PPP2R2C: variants seen among roughly 807,000 people sequenced by gnomAD.
PPP2R2C encodes protein phosphatase 2, regulatory subunit B, gamma.
In PPP2R2C, 10 loss-of-function variants were observed where a neutral mutation model predicts 45.3. The observed-to-expected ratio is 0.22, with a 90% confidence interval of 0.14 to 0.37. PPP2R2C has a LOEUF of 0.37. Among genes scored for constraint, PPP2R2C ranks in the 10% least tolerant of loss-of-function variants. PPP2R2C has a pLI of 1.00. For missense variants in PPP2R2C, 308 were observed against 619.7 expected (o/e 0.50, Z 5.34); for synonymous variants, 257 against 245.4 (o/e 1.05, Z -0.44).
chr4:6,370,361 C>T (rs565252846), intron 5 of PPP2R2C, among the ~76,000 whole-genome samples: 3 of 152,214 alleles, frequency 2.0e-5, no homozygotes, highest in African/African-American at 2.4e-5. Context: ...CTGTACGGTA[C>T]GGTCCAGGCC....
chr4:6,362,838 C>G (rs948194909), intron 5 of PPP2R2C, among the ~76,000 whole-genome samples: 1 of 152,054 alleles, frequency 6.6e-6, no homozygotes, highest in Non-Finnish European at 1.5e-5. Flanking sequence ...TGCATCCAGA[C>G]AGCTTAAATC....
intron 1 of PPP2R2C, among the ~76,000 whole-genome samples, chr4:6,548,421 G>A (rs1339034831): frequency 6.6e-6 from 1 of 152,188 alleles, no homozygotes; most frequent in Non-Finnish European, 1.5e-5. Context: ...ACAGACACAA[G>A]GGCTGATGAG....
At chr4:6,470,301 T>G (rs529883858) in intron 1 of PPP2R2C, among the ~76,000 whole-genome samples, 1 of 152,158 alleles carries the variant, frequency 6.6e-6, no homozygotes, top group Non-Finnish European at 1.5e-5. Context: ...ATATCTCGTG[T>G]CTGGATGAAG....
intron 1 of PPP2R2C, among the ~76,000 whole-genome samples, chr4:6,557,888 G>A (rs1243545427): frequency 6.6e-6 from 1 of 152,122 alleles, no homozygotes. Flanking sequence ...GGAGTGAGGT[G>A]CATCCCACAG....
intron 2 of PPP2R2C, among the ~76,000 whole-genome samples, chr4:6,494,845 A>C (rs926198164): frequency 6.6e-6 from 1 of 152,184 alleles, no homozygotes; most frequent in Non-Finnish European, 1.5e-5. Flanking sequence ...GGGTGGAAGC[A>C]AGGGGAAACC....
At chr4:6,480,270 G>T (rs1022115966) in intron 2 of PPP2R2C, among the ~76,000 whole-genome samples, 12 of 152,094 alleles carry the variant, frequency 7.9e-5, no homozygotes, top group African/African-American at 2.9e-4. Context: ...TAAGCATTAT[G>T]TTTTCAGCTC....
At chr4:6,531,276 G>A (rs956629786) in intron 2 of PPP2R2C, among the ~76,000 whole-genome samples, 1 of 152,194 alleles carries the variant, frequency 6.6e-6, no homozygotes, top group Non-Finnish European at 1.5e-5. Flanking sequence ...CAGTGAGGAG[G>A]GGCTGAGGCA....
At chr4:6,381,291 C>G in intron 1 of PPP2R2C, 197 bp from the exon 2 acceptor site, 1 of 1,528,644 alleles carries the variant, frequency 6.5e-7, no homozygotes. Flanking sequence ...CTCCTCTTCC[C>G]TCTGCACTGG....
At chr4:6,346,437 C>A (rs558453823) in intron 6 of PPP2R2C, among the ~76,000 whole-genome samples, 2 of 152,156 alleles carry the variant, frequency 1.3e-5, no homozygotes, top group Non-Finnish European at 2.9e-5. Flanking sequence ...CCCTCCCTGA[C>A]CCCCTCTGTC....
intron 3 of PPP2R2C, among the ~76,000 whole-genome samples, chr4:6,376,677 C>T (rs1406890154): frequency 6.6e-6 from 1 of 152,308 alleles, no homozygotes; most frequent in East Asian, 1.9e-4. Context: ...TGGTCTCAAA[C>T]TTCTGGGCTC....
chr4:6,520,745 G>T (rs1454800359), intron 2 of PPP2R2C, among the ~76,000 whole-genome samples: 2 of 152,204 alleles, frequency 1.3e-5, no homozygotes, highest in African/African-American at 4.8e-5. Context: ...CTGTGGTGTG[G>T]CTGTCATTTA....
At chr4:6,383,953 G>T in intron 1 of PPP2R2C, 2 of 986,314 alleles carry the variant, frequency 2.0e-6, no homozygotes, top group Non-Finnish European at 2.4e-6. Context: ...GAGAGAGGGT[G>T]GTTAGAAGTG....
At chr4:6,389,768 G>A (rs1716474532) in intron 1 of PPP2R2C, among the ~76,000 whole-genome samples, 1 of 152,134 alleles carries the variant, frequency 6.6e-6, no homozygotes, top group African/African-American at 2.4e-5. Flanking sequence ...ATGTTCTTGT[G>A]TGCTGTTATC....
At chr4:6,381,284 C>T in intron 1 of PPP2R2C, 190 bp from the exon 2 acceptor site, 3 of 1,530,100 alleles carry the variant, frequency 2.0e-6, no homozygotes, top group Non-Finnish European at 2.6e-6. Context: ...TCCTGCCCTC[C>T]TCTTCCCTCT....
intron 1 of PPP2R2C, among the ~76,000 whole-genome samples, chr4:6,388,132 G>A (rs142977229): frequency 6.6e-6 from 1 of 152,306 alleles, no homozygotes; most frequent in Non-Finnish European, 1.5e-5. Flanking sequence ...AACTCATGCT[G>A]TCCTTCCCCC....
chr4:6,496,818 G>A (rs1260175875), intron 2 of PPP2R2C, among the ~76,000 whole-genome samples: 20 of 151,772 alleles, frequency 1.3e-4, no homozygotes, highest in Admixed American at 7.2e-4. Flanking sequence ...CCGAGATTGC[G>A]CCACTGCACT....
intron 1 of PPP2R2C, among the ~76,000 whole-genome samples, chr4:6,437,204 G>T (rs558831893): frequency 6.6e-6 from 1 of 152,266 alleles, no homozygotes; most frequent in East Asian, 1.9e-4. Flanking sequence ...GACCTTCCTG[G>T]TTTCTTTAGG....
At chr4:6,454,690 C>G (rs1260596248) in intron 1 of PPP2R2C, among the ~76,000 whole-genome samples, 1 of 152,244 alleles carries the variant, frequency 6.6e-6, no homozygotes, top group Middle Eastern at 3.2e-3. Flanking sequence ...CATCACATCA[C>G]TGAGCTCCAG....
At chr4:6,523,803 T>A (rs10001583) in intron 2 of PPP2R2C, among the ~76,000 whole-genome samples, 1 of 152,052 alleles carries the variant, frequency 6.6e-6, no homozygotes, top group African/African-American at 2.4e-5. Context: ...GGCCAAACAA[T>A]GGAAACACCC....
Sources: gnomAD v4.1 joint callset for allele counts (sites outside exome capture counted in the v4.1 genomes callset) on GRCh38, gnomAD v4.1.1 for gene constraint, MANE v1.5 for transcripts, NCBI Gene and HGNC (gene_info 2026-07-23, HGNC 2026-07-21) for gene names.